The following SYNJ2 variants were observed in gnomAD, a reference collection of about 807,000 sequenced individuals.
SYNJ2 encodes the protein synaptojanin 2.
SYNJ2 carries 116 observed loss-of-function variants against 141.3 expected under a neutral mutation model. The ratio of observed to expected loss-of-function variants is 0.82; its 90% CI spans 0.71 to 0.96. SYNJ2 has a LOEUF of 0.96. SYNJ2 is among the 40% of genes least tolerant of loss of function. SYNJ2 has a pLI of 0.00. For synonymous variants in SYNJ2, 745 were observed against 777.7 expected (o/e 0.96, Z 0.70); for missense variants, 1,873 against 1,934.8 (o/e 0.97, Z 0.60).
In SYNJ2 at chr6:158,071,885, C is replaced by A; in HGVS notation, c.2133+91C>A. 1 of 1,431,900 alleles carries A rather than the reference C, an allele frequency of 7.0e-7. No homozygotes were observed. The highest frequency in any genetic ancestry group is 1.4e-5 in the African/African-American group (1 of 70,818). The allele number at this position is 1,431,900 out of a possible 1,614,324, so 88.7% of individuals were successfully genotyped here. On this transcript the variant is annotated intron_variant, in intron 15 of 26. Transcript: ENST00000355585. The surrounding 1 kb of genome is among the most constrained non-coding windows in gnomAD (Gnocchi z 4.3). Reference sequence around the variant, plus strand: ...TAGGAGCCAGGCACTGGGGACACAACCACAGGGAGGGCCCCTTCCTGGAGG... The same window carrying A: ...TAGGAGCCAGGCACTGGGGACACAAACACAGGGAGGGCCCCTTCCTGGAGG...
intron 13 of SYNJ2, 68 bp from the exon 14 acceptor site, chr6:158,069,465 T>C: frequency 6.4e-7 from 1 of 1,556,468 alleles, no homozygotes; most frequent in Non-Finnish European, 8.7e-7. Context: ...GGCTGGAGCA[T>C]TTGGTAGGTG....
At chr6:158,051,970 G>A (rs2986010) in intron 5 of SYNJ2, among the ~76,000 whole-genome samples, 53,629 of 146,260 alleles carry the variant, frequency 0.37, 9,804 homozygotes, top group South Asian at 0.43. Context: ...AAAAAAAAAA[G>A]AAGAAGAAGA....
intron 1 of SYNJ2, among the ~76,000 whole-genome samples, chr6:158,010,012 G>A (rs1416615600): frequency 6.6e-6 from 1 of 152,228 alleles, no homozygotes; most frequent in African/African-American, 2.4e-5. Flanking sequence ...GACCTCCTGG[G>A]CTCAAGCAAT....
chr6:158,064,873 G>A lies in SYNJ2; in HGVS notation c.1407G>A (p.Gln469=), dbSNP rs1781463881. ...CCCGGTCCATGTCTCGAACCATCCAGTCCAACTTCTTCGACGGGGTGAAGC... is the reference window on the plus strand; with the variant it reads ...CCCGGTCCATGTCTCGAACCATCCAATCCAACTTCTTCGACGGGGTGAAGC... ...DGARSMSRTI[Q]SNFFDGVKQE... is the part of the protein sequence containing the mutation. The change falls in exon 11 of 27, where the codon CAG becomes CAA. Residue 469 remains glutamine, a synonymous_variant. Transcript: ENST00000355585. The A allele has an allele frequency of 1.2e-6, 2 of 1,613,340 alleles. No individual in the cohort carries two copies. Among genetic ancestry groups the A allele is most frequent in the Admixed American group, 1.7e-5 (1 of 59,954 alleles).
intron 15 of SYNJ2, 123 bp from the exon 16 acceptor site, chr6:158,074,457 T>C: frequency 9.3e-7 from 1 of 1,072,118 alleles, no homozygotes; most frequent in Non-Finnish European, 1.3e-6. Flanking sequence ...TAGAAAACTT[T>C]CTTTTTTCTA....
chr6:158,006,711 C>T (rs538212189), intron 1 of SYNJ2, among the ~76,000 whole-genome samples: 4 of 152,202 alleles, frequency 2.6e-5, no homozygotes, highest in African/African-American at 9.7e-5. Flanking sequence ...CTCACTCTGT[C>T]GCCCTGGCTG....
At chr6:158,046,809 C>G (rs896737159) in intron 5 of SYNJ2, among the ~76,000 whole-genome samples, 1 of 152,162 alleles carries the variant, frequency 6.6e-6, no homozygotes, top group African/African-American at 2.4e-5. Flanking sequence ...GCAAATTGCT[C>G]CCTGGTCTAG....
intron 6 of SYNJ2, among the ~76,000 whole-genome samples, chr6:158,056,498 C>T (rs1464486338): frequency 6.6e-6 from 1 of 152,252 alleles, no homozygotes. Flanking sequence ...GGCAGGAGCC[C>T]TCCCGTTCCC....
intron 4 of SYNJ2, among the ~76,000 whole-genome samples, chr6:158,035,256 A>G (rs1779578457): frequency 1.3e-5 from 2 of 152,232 alleles, no homozygotes; most frequent in African/African-American, 4.8e-5. Flanking sequence ...CTTTGAATCC[A>G]TAAATTGCTT....
At chr6:158,025,165 A>T (rs545013634) in intron 2 of SYNJ2, among the ~76,000 whole-genome samples, 1 of 152,196 alleles carries the variant, frequency 6.6e-6, no homozygotes, top group South Asian at 2.1e-4. Context: ...TGCTCCATAG[A>T]TGCTGCCTTT....
Position 158,027,175 on chromosome 6 carries a change from T to C in SYNJ2, c.215-1581T>C. Reference sequence around the variant, plus strand: ...CTCCCTATGAAGTGTGGTGAGGAAATTGGGGTGAGAGGGTGGTGGAACTGG... The same window carrying C: ...CTCCCTATGAAGTGTGGTGAGGAAACTGGGGTGAGAGGGTGGTGGAACTGG... On this transcript the variant is annotated intron_variant, in intron 2 of 26. Coordinates refer to ENST00000355585, the MANE Select transcript of SYNJ2 (RefSeq NM_003898.4). This position sits in a 1 kb window ranked among gnomAD's most constrained non-coding sequence, Gnocchi z 4.6. 2 of 985,160 alleles carry C rather than the reference T, an allele frequency of 2.0e-6. No individual in the cohort carries two copies. The highest frequency in any genetic ancestry group is 4.7e-5 in the South Asian group (1 of 21,272). 61.0% of individuals were successfully genotyped at this position (985,160 alleles called of 1,614,324 possible). A position where few individuals can be genotyped will look rare whatever the true frequency, so the allele number is the denominator to read the frequency against.
intron 23 of SYNJ2, among the ~76,000 whole-genome samples, chr6:158,087,581 ACT>A (rs1411544019): frequency 6.6e-6 from 1 of 151,984 alleles, no homozygotes; most frequent in Non-Finnish European, 1.5e-5. Flanking sequence ...TTTTCCCACC[ACT>A]GTTTACTTCT....
At chr6:158,091,284 C>T in intron 25 of SYNJ2, among the ~76,000 whole-genome samples, 1 of 151,690 alleles carries the variant, frequency 6.6e-6, no homozygotes, top group South Asian at 2.1e-4. Context: ...CCACTGCACT[C>T]CAGCCTGGGT....
chr6:158,019,887 T>G (rs1402967223), intron 2 of SYNJ2, among the ~76,000 whole-genome samples: 1 of 152,284 alleles, frequency 6.6e-6, no homozygotes, highest in African/African-American at 2.4e-5. Flanking sequence ...CAGTCCCCAT[T>G]GGTTATCTTA....
At chr6:158,052,908 T>A (rs1463253637) in intron 5 of SYNJ2, among the ~76,000 whole-genome samples, 10 of 152,214 alleles carry the variant, frequency 6.6e-5, no homozygotes, top group Admixed American at 6.5e-4. Flanking sequence ...ATTGATCACT[T>A]GTCTCAGTGA....
chr6:158,061,164 C>G (rs1352336081), intron 7 of SYNJ2, among the ~76,000 whole-genome samples: 3 of 152,260 alleles, frequency 2.0e-5, no homozygotes, highest in Non-Finnish European at 4.4e-5. Context: ...AGATGACCCC[C>G]AAGTCCTTCT....
chr6:158,005,656 A>T (rs991136621), intron 1 of SYNJ2, among the ~76,000 whole-genome samples: 5 of 151,818 alleles, frequency 3.3e-5, no homozygotes, highest in Middle Eastern at 6.8e-3. Context: ...TCAGGTCACA[A>T]CCCCTGAGCC....
chr6:158,033,753 T>A lies in SYNJ2; in HGVS notation c.711+73T>A, dbSNP rs947302806. On this transcript the variant is annotated intron_variant, in intron 4 of 26. Coordinates refer to ENST00000355585, the MANE Select transcript of SYNJ2 (RefSeq NM_003898.4). ...CAGCTCTTGCACACGCGCTTTCCAC[T>A]TGGGGCAGAAGAGGCCCTGGCATAT... 2.7e-6 allele frequency: 4 copies of A among 1,481,418 alleles called. No homozygotes were observed. In the African/African-American group the frequency reaches 5.5e-5, roughly 20 times the overall value. 91.8% of individuals were successfully genotyped at this position (1,481,418 alleles called of 1,614,324 possible).
intron 1 of SYNJ2, among the ~76,000 whole-genome samples, chr6:158,004,003 T>C (rs1562317377): frequency 1.3e-5 from 2 of 152,212 alleles, no homozygotes; most frequent in Non-Finnish European, 2.9e-5. Context: ...CCCATCATTA[T>C]TTATTTTTAT....
Sources: gnomAD v4.1 joint callset for allele counts (sites outside exome capture counted in the v4.1 genomes callset) on GRCh38, gnomAD v4.1.1 for gene constraint, Gnocchi (gnomAD v3.1) non-coding constraint, MANE v1.5 for transcripts, NCBI Gene and HGNC (gene_info 2026-07-23, HGNC 2026-07-21) for gene names.